CTSH: variants seen among roughly 807,000 people sequenced by gnomAD.
CTSH encodes the protein pro-cathepsin H.
In CTSH, 52 loss-of-function variants were observed where a neutral mutation model predicts 56.3. The observed-to-expected ratio is 0.92, with a 90% CI of 0.74 to 1.16. CTSH has a LOEUF of 1.16. Ranked by LOEUF, CTSH falls within the 50% of genes most tolerant of loss-of-function variation. The pLI, the probability that CTSH is intolerant of heterozygous loss-of-function variation, is 0.00. For missense variants in CTSH, 406 were observed against 424.5 expected (o/e 0.96, Z 0.38); for synonymous variants, 174 against 155.7 (o/e 1.12, Z -0.88).
At chr15:78,928,918 A>G (rs1184183186) in intron 8 of CTSH, among the ~76,000 whole-genome samples, 2 of 152,104 alleles carry the variant, frequency 1.3e-5, no homozygotes, top group Non-Finnish European at 2.9e-5. Flanking sequence ...ACGAGGGGAA[A>G]TAAAGGAGGA....
chr15:78,930,452 G>C (rs1465964315), intron 7 of CTSH, among the ~76,000 whole-genome samples: 3 of 152,074 alleles, frequency 2.0e-5, no homozygotes, highest in Admixed American at 6.6e-5. Flanking sequence ...GGGTGAACCC[G>C]GGAGGCGGAG....
intron 2 of CTSH, 149 bp from the exon 3 acceptor site, chr15:78,937,572 G>C (rs1171568706): frequency 1.5e-6 from 2 of 1,375,746 alleles, no homozygotes; most frequent in East Asian, 2.6e-5. Context: ...GGGTACTGCT[G>C]AGAAATTTGG....
At chr15:78,922,933 C>T (rs887402550) in intron 11 of CTSH, 60 bp downstream of exon 11, 1 of 1,553,344 alleles carries the variant, frequency 6.4e-7, no homozygotes, top group Non-Finnish European at 8.6e-7. Context: ...GTGATGCCCC[C>T]AGGGCCTCCA....
intron 7 of CTSH, among the ~76,000 whole-genome samples, chr15:78,930,544 AT>A (rs1236170241): frequency 5.9e-4 from 71 of 120,944 alleles, no homozygotes; most frequent in African/African-American, 2.1e-3. Context: ...GAAAAAATAA[AT>A]AAATAAATAA....
intron 11 of CTSH, 118 bp downstream of exon 11, chr15:78,922,875 G>GC: frequency 2.3e-6 from 3 of 1,292,076 alleles, no homozygotes; most frequent in Non-Finnish European, 2.1e-6. Context: ...CCTGGCCTAG[G>GC]GCTTGGCTGA....
rs771114817 is a variant in CTSH, at chr15:78,927,793, G to A, written c.631-12C>T. On this transcript the variant is annotated splice_polypyrimidine_tract_variant and intron_variant, in intron 8 of 11. Transcript: ENST00000220166. ...TTGCAATAACCATCCTGTTGAGGAT[G>A]CAAAGGGCATGAAATACAGGTTATG... is the stretch of plus-strand genomic sequence containing the variant. 5.6e-6 allele frequency: 9 copies of A among 1,613,162 alleles called. No individual in the cohort carries two copies. In the Admixed American group the frequency reaches 1.5e-4, roughly 27 times the overall value.
At chr15:78,931,800 CAG>C in intron 6 of CTSH, 7 of 1,348,960 alleles carry the variant, frequency 5.2e-6, no homozygotes, top group Non-Finnish European at 6.7e-6. Flanking sequence ...CCATACGATG[CAG>C]AGTGTGGGGT....
intron 3 of CTSH, among the ~76,000 whole-genome samples, chr15:78,936,180 CTTTT>C (rs66819363): frequency 7.7e-5 from 7 of 90,862 alleles, no homozygotes; most frequent in African/African-American, 1.5e-4. Flanking sequence ...CTTTTCTTTT[CTTTT>C]TTTTTTTTTT....
intron 5 of CTSH, 160 bp downstream of exon 5, chr15:78,934,818 C>G: frequency 1.4e-6 from 1 of 707,882 alleles, no homozygotes; most frequent in Non-Finnish European, 2.6e-6. Context: ...TGCTGACCTC[C>G]CTGGCCCCTC....
intron 1 of CTSH, among the ~76,000 whole-genome samples, chr15:78,940,836 G>A (rs2055272070): frequency 6.6e-6 from 1 of 152,160 alleles, no homozygotes; most frequent in African/African-American, 2.4e-5. Context: ...GCAGGCGCCT[G>A]TAATCCCAGC....
chr15:78,926,982 T>A (rs1037208395), intron 9 of CTSH: 1 of 152,272 alleles, frequency 6.6e-6, no homozygotes, highest in Non-Finnish European at 1.5e-5. Flanking sequence ...GTACATACAT[T>A]CGTGGGCGCA....
At chr15:78,923,321 A>T (rs928416172) in intron 10 of CTSH, among the ~76,000 whole-genome samples, 12 of 152,134 alleles carry the variant, frequency 7.9e-5, no homozygotes, top group African/African-American at 2.6e-4. Context: ...ACGGAGTCTC[A>T]CTCTGTTGCC....
At chr15:78,942,811 A>G (rs1346630366) in intron 1 of CTSH, among the ~76,000 whole-genome samples, 1 of 152,192 alleles carries the variant, frequency 6.6e-6, no homozygotes, top group African/African-American at 2.4e-5. Flanking sequence ...ATCACTTGAA[A>G]TATCTTCCTG....
rs763458320 is a variant in CTSH, at chr15:78,929,412, C to T, written c.630G>A (p.Lys210=). 3 of 1,611,626 alleles carry T rather than the reference C, an allele frequency of 1.9e-6. No homozygotes were observed. The highest frequency in any genetic ancestry group is 1.3e-5 in the African/African-American group (1 of 74,838). ...ACAGAGTGGAGGCTGTTGGAGTTAC[C>T]TTGCCCTGGTAGGGGTAGGTGTCTT... is the stretch of plus-strand genomic sequence containing the variant. ...MGEDTYPYQG[K]DGYCKFQPGK... is the part of the protein sequence containing the mutation. The change falls in exon 8 of 12, where the codon AAG becomes AAA. Residue 210 remains lysine, a splice_region_variant and synonymous_variant. Coordinates refer to ENST00000220166, the MANE Select transcript of CTSH (RefSeq NM_004390.5).
At chr15:78,942,721 G>A (rs1347374317) in intron 1 of CTSH, among the ~76,000 whole-genome samples, 2 of 152,124 alleles carry the variant, frequency 1.3e-5, no homozygotes, top group African/African-American at 4.8e-5. Context: ...TGCCTTCAGG[G>A]GCTCTCTCCC....
chr15:78,922,800 G>T (rs2054800899), intron 11 of CTSH, among the ~76,000 whole-genome samples, 193 bp downstream of exon 11: 1 of 152,236 alleles, frequency 6.6e-6, no homozygotes, highest in South Asian at 2.1e-4. Flanking sequence ...CTGGGGCCCT[G>T]TGAGGGCTGC....
Position 78,922,007 on chromosome 15 carries a change from A to G in CTSH, c.*123T>C. 2 of 846,922 alleles carry G rather than the reference A, an allele frequency of 2.4e-6. No homozygotes were observed. Among genetic ancestry groups the G allele is most frequent in the Non-Finnish European group, 3.8e-6 (2 of 532,986 alleles). 52.5% of individuals were successfully genotyped at this position (846,922 alleles called of 1,614,324 possible). A position where few individuals can be genotyped will look rare whatever the true frequency, so the allele number is the denominator to read the frequency against. On this transcript the variant is annotated 3_prime_UTR_variant, in exon 12 of 12. Transcript: ENST00000220166. The stretch of plus-strand genomic sequence containing the variant: ...GGTTTCCAGGCTGGGCACAGAGGTG[A>G]GGGCAGAATGTTGGGGGTCCCAGTG...
At position 78,922,193 on chromosome 15, in the gene CTSH, G is replaced by A. The variant is rs374368589; in HGVS notation, c.945C>T (p.Ile315=). The A allele has an allele frequency of 2.0e-5, 32 of 1,579,322 alleles. No homozygotes were observed. The highest frequency in any genetic ancestry group is 2.0e-4 in the Middle Eastern group (1 of 5,114). ...PQWGMNGYFL[I]ERGKNMCGLA... ...GGCCACACATGTTCTTTCCGCGCTC[G>A]ATGAGGAAGTACCTGGGCAGAAAGA... The change falls in exon 12 of 12, where the codon ATC becomes ATT. Residue 315 remains isoleucine (I), a synonymous_variant. Transcript: ENST00000220166.
chr15:78,931,505 G>A lies in CTSH; in HGVS notation c.494C>T (p.Ala165Val), dbSNP rs61731865. The part of the protein sequence containing the change: ...AIATGKMLSL[A>V]EQQLVDCAQD... The stretch of plus-strand genomic sequence containing the variant: ...GGCGCAGTCCACCAGCTGCTGTTCC[G>A]CCTGGAAGAAGGACACAACCCAGTG... Residue 165 changes from alanine to valine, a missense_variant and splice_region_variant, in exon 7 of 12, where the codon GCG becomes GTG. Transcript: ENST00000220166. 29 of 1,614,082 alleles carry A rather than the reference G, an allele frequency of 1.8e-5. No individual in the cohort carries two copies. In the South Asian group the frequency reaches 2.3e-4, roughly 13 times the overall value.
Sources: allele counts gnomAD v4.1 joint callset (sites outside exome capture counted in the v4.1 genomes callset), GRCh38; gene constraint gnomAD v4.1.1; transcripts MANE v1.5; gene names NCBI Gene and HGNC (gene_info 2026-07-23, HGNC 2026-07-21).